Variants in ANK2 observed in about 807,000 individuals in gnomAD.
ANK2 encodes ankyrin-2.
Under a neutral mutation model 360.5 loss-of-function variants are expected in ANK2, and 83 were observed. That is an observed-to-expected ratio of 0.23 (90% confidence interval 0.19 to 0.28). The LOEUF (loss-of-function observed/expected upper bound fraction) is 0.28, where lower values mean the gene tolerates loss of function less well. Among genes scored for constraint, ANK2 ranks in the 10% least tolerant of loss-of-function variants. The pLI is 1.00. For synonymous variants in ANK2, 1,740 were observed against 1,759.5 expected (o/e 0.99, Z 0.28); for missense variants, 4,201 against 4,795.7 (o/e 0.88, Z 3.66).
chr4:113,117,060 G>A (rs2094872121), intron 1 of ANK2: 1 of 348,746 alleles, frequency 2.9e-6, no homozygotes, highest in Non-Finnish European at 5.6e-6. Context: ...TGCTGCTGGA[G>A]GTCTCGGTTT....
intron 1 of ANK2, among the ~76,000 whole-genome samples, chr4:113,079,448 T>C (rs2081410619): frequency 6.6e-6 from 1 of 152,240 alleles, no homozygotes; most frequent in South Asian, 2.1e-4. Context: ...CCTTAAACTT[T>C]TAATTTCAGC....
chr4:112,837,515 G>C (rs150385669), intron 1 of ANK2, among the ~76,000 whole-genome samples: 1 of 152,196 alleles, frequency 6.6e-6, no homozygotes, highest in African/African-American at 2.4e-5. Context: ...CCAGACCCAA[G>C]AATGGTAGAT....
intron 2 of ANK2, among the ~76,000 whole-genome samples, chr4:112,970,700 G>A (rs1224020480): frequency 3.9e-5 from 6 of 152,130 alleles, no homozygotes; most frequent in Non-Finnish European, 8.8e-5. Context: ...TTTAATGGTG[G>A]GGAGAGTGGG....
At chr4:112,908,768 C>T (rs749856904) in intron 2 of ANK2, among the ~76,000 whole-genome samples, 6 of 152,148 alleles carry the variant, frequency 3.9e-5, no homozygotes, top group Non-Finnish European at 5.9e-5. Context: ...GTAAGTCTGG[C>T]GCATTGATTG....
the ANK2 span, among the ~76,000 whole-genome samples, chr4:112,738,185 A>C: frequency 6.6e-6 from 1 of 152,076 alleles, no homozygotes; most frequent in Non-Finnish European, 1.5e-5. Context: ...CGAGGCGGGC[A>C]GATCACCTGA....
intron 2 of ANK2, among the ~76,000 whole-genome samples, chr4:112,923,163 C>T (rs1318047258): frequency 6.6e-6 from 1 of 151,944 alleles, no homozygotes; most frequent in Non-Finnish European, 1.5e-5. Context: ...AAAGCTAATC[C>T]CACTCAACAC....
At chr4:112,937,582 C>T (rs756313291) in intron 2 of ANK2, among the ~76,000 whole-genome samples, 6 of 152,210 alleles carry the variant, frequency 3.9e-5, no homozygotes, top group Admixed American at 6.5e-5. Flanking sequence ...CCCGCCTCGG[C>T]CTCCCAAAGT....
At chr4:113,156,372 T>C (rs888002242) in intron 1 of ANK2, among the ~76,000 whole-genome samples, 6 of 74,710 alleles carry the variant, frequency 8.0e-5, no homozygotes, top group African/African-American at 4.3e-4. Flanking sequence ...AGAAAAATTC[T>C]TTTTTTTTTG....
intron 1 of ANK2, among the ~76,000 whole-genome samples, chr4:113,077,696 T>G (rs2080680128): frequency 1.3e-5 from 2 of 152,244 alleles, no homozygotes; most frequent in Non-Finnish European, 2.9e-5. Context: ...TTTATTGAGT[T>G]CAAGCTGTCC....
chr4:113,200,267 T>G lies in ANK2; in HGVS notation c.384+1158T>G, dbSNP rs141384700. On this transcript the variant is annotated intron_variant, in intron 4 of 45. Coordinates refer to ENST00000357077, the MANE Select transcript of ANK2 (RefSeq NM_001148.6). ...ACCATCTGTAAAGAACATCTGTATATTTTATAAAGTATAACAGCATTTTAG... is the reference window on the plus strand; with the variant it reads ...ACCATCTGTAAAGAACATCTGTATAGTTTATAAAGTATAACAGCATTTTAG... 1.9e-3 allele frequency among the ~76,000 whole-genome samples: 288 copies of G among 152,342 alleles called. 1 individual carries two copies. Among genetic ancestry groups the G allele is most frequent in the African/African-American group, 6.5e-3 (269 of 41,580 alleles).
chr4:112,901,516 C>T (rs2083340622), intron 1 of ANK2, among the ~76,000 whole-genome samples: 1 of 152,100 alleles, frequency 6.6e-6, no homozygotes, highest in East Asian at 1.9e-4. Flanking sequence ...TTTTTTGTTA[C>T]AAATGGTTTT....
intron 2 of ANK2, among the ~76,000 whole-genome samples, chr4:113,010,465 T>C (rs1291805496): frequency 6.6e-6 from 1 of 152,178 alleles, no homozygotes; most frequent in East Asian, 1.9e-4. Context: ...GAGCGTAGAC[T>C]ATGCACCTGA....
At chr4:112,964,881 T>A (rs2036582064) in intron 2 of ANK2, among the ~76,000 whole-genome samples, 2 of 152,218 alleles carry the variant, frequency 1.3e-5, no homozygotes, top group African/African-American at 4.8e-5. Context: ...GTACCACATT[T>A]TCTTTGTCCA....
the ANK2 span, among the ~76,000 whole-genome samples, chr4:112,757,712 A>G: frequency 6.6e-6 from 1 of 152,190 alleles, no homozygotes; most frequent in Non-Finnish European, 1.5e-5. Context: ...TTGACTCATG[A>G]ATATCTTATA....
upstream of ANK2, among the ~76,000 whole-genome samples, chr4:113,046,203 CG>C (rs1345288224): frequency 1.3e-5 from 2 of 152,120 alleles, no homozygotes; most frequent in Non-Finnish European, 2.9e-5. Context: ...TATTTACCCC[CG>C]GTGTTGTAAT....
chr4:113,035,049 C>T (rs1422469923), intron 2 of ANK2, among the ~76,000 whole-genome samples: 2 of 151,408 alleles, frequency 1.3e-5, no homozygotes, highest in African/African-American at 4.8e-5. Flanking sequence ...CATTTTTTTT[C>T]CTTTTTTCTT....
intron 1 of ANK2, among the ~76,000 whole-genome samples, chr4:112,851,969 CA>C (rs2065114426): frequency 6.6e-6 from 1 of 152,182 alleles, no homozygotes. Context: ...CCTTCTTCAA[CA>C]GTGCTGTCAC....
the ANK2 span, among the ~76,000 whole-genome samples, chr4:112,720,302 C>T: frequency 6.6e-6 from 1 of 152,166 alleles, no homozygotes; most frequent in Non-Finnish European, 1.5e-5. Context: ...TAAATCTCTT[C>T]CTTTATGTCT....
intron 1 of ANK2, among the ~76,000 whole-genome samples, chr4:112,831,109 G>A (rs548929960): frequency 3.2e-4 from 48 of 152,332 alleles, no homozygotes; most frequent in African/African-American, 9.9e-4. Context: ...GGGCTCCCGC[G>A]TGGCCAGAGA....
Sources: gnomAD v4.1 joint callset for allele counts (sites outside exome capture counted in the v4.1 genomes callset) on GRCh38, gnomAD v4.1.1 for gene constraint, MANE v1.5 for transcripts, NCBI Gene and HGNC (gene_info 2026-07-23, HGNC 2026-07-21) for gene names.